Variants in ADAMTS3 observed in about 807,000 individuals in gnomAD.
ADAMTS3 encodes the protein ADAM metallopeptidase with thrombospondin type 1 motif 3, also known as A disintegrin and metalloproteinase with thrombospondin motifs 3.
In ADAMTS3, 73 loss-of-function variants were observed where a neutral mutation model predicts 129.0. The ratio of observed to expected loss-of-function variants is 0.57; its 90% CI spans 0.47 to 0.69. The LOEUF (loss-of-function observed/expected upper bound fraction) is 0.69, where lower values mean the gene tolerates loss of function less well. Among genes scored for constraint, ADAMTS3 ranks in the 30% least tolerant of loss-of-function variants. ADAMTS3 has a pLI of 0.00. For synonymous variants in ADAMTS3, 477 were observed against 510.8 expected (o/e 0.93, Z 0.89); for missense variants, 1,457 against 1,514.5 (o/e 0.96, Z 0.63).
At chr4:72,314,737 G>A (rs1019775539) in intron 11 of ADAMTS3, among the ~76,000 whole-genome samples, 1 of 152,082 alleles carries the variant, frequency 6.6e-6, no homozygotes, top group Non-Finnish European at 1.5e-5. Flanking sequence ...GCAAAACATT[G>A]TATACAAGGT....
intron 3 of ADAMTS3, among the ~76,000 whole-genome samples, chr4:72,485,685 A>C (rs773760458): frequency 2.0e-5 from 3 of 152,114 alleles, no homozygotes; most frequent in East Asian, 1.9e-4. Flanking sequence ...CCATACTTAC[A>C]TTGTTCAATG....
intron 3 of ADAMTS3, among the ~76,000 whole-genome samples, chr4:72,523,281 A>G (rs1214541483): frequency 6.6e-6 from 1 of 152,120 alleles, no homozygotes. Context: ...ACATACCCAG[A>G]GTAATATCTC....
intron 3 of ADAMTS3, among the ~76,000 whole-genome samples, chr4:72,510,819 C>CAAA (rs869030257): frequency 1.6e-5 from 1 of 63,644 alleles, no homozygotes; most frequent in Non-Finnish European, 2.9e-5. Flanking sequence ...ATCCTTAAGC[C>CAAA]AAAAAAAAAA....
chr4:72,297,340 G>A (rs1718836214), intron 18 of ADAMTS3, among the ~76,000 whole-genome samples: 1 of 152,066 alleles, frequency 6.6e-6, no homozygotes, highest in African/African-American at 2.4e-5. Context: ...AATTAAATAA[G>A]CATCTTGTAA....
rs80304736 is a variant in ADAMTS3, at chr4:72,356,613, C to T, written c.662-16920G>A. Among the ~76,000 whole-genome samples the T allele has an allele frequency of 2.3e-3, 345 of 151,762 alleles. 1 individual carries two copies. The highest frequency in any genetic ancestry group is 7.7e-3 in the African/African-American group (320 of 41,468). The stretch of plus-strand genomic sequence containing the variant: ...ATTTATAATGAAGAAATAAATGTTA[C>T]CATTTCCAGATAATTGTTTAGATAG... On this transcript the variant is annotated intron_variant, in intron 4 of 21. Coordinates refer to ENST00000286657, the MANE Select transcript of ADAMTS3 (RefSeq NM_014243.3).
intron 21 of ADAMTS3, among the ~76,000 whole-genome samples, chr4:72,285,430 G>T (rs539333523): frequency 6.6e-6 from 1 of 152,108 alleles, no homozygotes; most frequent in South Asian, 2.1e-4. Context: ...CTTTCTGTAT[G>T]TGTCAGGCTC....
intron 21 of ADAMTS3, among the ~76,000 whole-genome samples, chr4:72,288,160 C>T (rs369694297): frequency 6.6e-6 from 1 of 152,184 alleles, no homozygotes; most frequent in Admixed American, 6.5e-5. Context: ...GCCACCGCAC[C>T]TGGCCCCATT....
At chr4:72,520,557 C>T (rs955800939) in intron 3 of ADAMTS3, among the ~76,000 whole-genome samples, 6 of 152,220 alleles carry the variant, frequency 3.9e-5, no homozygotes, top group African/African-American at 1.4e-4. Context: ...GGGCGCCCCT[C>T]CCCCAGCCTC....
intron 15 of ADAMTS3, among the ~76,000 whole-genome samples, chr4:72,307,591 C>T (rs1385886606): frequency 1.3e-5 from 2 of 151,872 alleles, no homozygotes; most frequent in Non-Finnish European, 2.9e-5. Flanking sequence ...TTTTATTAGG[C>T]AAGTTATAAA....
chr4:72,410,335 C>T lies in ADAMTS3; in HGVS notation c.661+4480G>A, dbSNP rs368142971. On this transcript the variant is annotated intron_variant, in intron 4 of 21. Coordinates refer to ENST00000286657, the MANE Select transcript of ADAMTS3 (RefSeq NM_014243.3). ...ATGTTTCCCACCTGGGACAAAAACA[C>T]GCCTTCACAGCACCATGACAACCAC... Among the ~76,000 whole-genome samples the T allele has an allele frequency of 3.1e-4, 47 of 152,248 alleles. No homozygotes were observed. In the East Asian group the frequency reaches 4.6e-3, roughly 15 times the overall value.
At chr4:72,408,305 C>T (rs1162672917) in intron 4 of ADAMTS3, among the ~76,000 whole-genome samples, 1 of 151,842 alleles carries the variant, frequency 6.6e-6, no homozygotes, top group African/African-American at 2.4e-5. Context: ...TGAAAAAGAT[C>T]CTCTGAAGAC....
At chr4:72,437,605 G>T (rs1002128802) in intron 3 of ADAMTS3, among the ~76,000 whole-genome samples, 5 of 151,710 alleles carry the variant, frequency 3.3e-5, no homozygotes, top group Admixed American at 2.0e-4. Flanking sequence ...GGGTTGTGTT[G>T]TCAACAATTT....
chr4:72,552,491 C>T (rs1228621971), intron 2 of ADAMTS3, among the ~76,000 whole-genome samples: 3 of 152,152 alleles, frequency 2.0e-5, no homozygotes, highest in African/African-American at 7.2e-5. Context: ...CTTTTGTGGG[C>T]CGTAAGTTCC....
chr4:72,401,566 C>CAAAAAAAAAAAAAAAAAAAA (rs374322807), intron 4 of ADAMTS3, among the ~76,000 whole-genome samples: 17 of 37,026 alleles, frequency 4.6e-4, no homozygotes, highest in Middle Eastern at 0.031. Flanking sequence ...TACTCTGTCT[C>CAAAAAAAAAAAAAAAAAAAA]AAAAAAAAAA....
intron 4 of ADAMTS3, among the ~76,000 whole-genome samples, chr4:72,369,859 C>T (rs896661164): frequency 3.3e-5 from 5 of 151,464 alleles, no homozygotes; most frequent in African/African-American, 1.2e-4. Flanking sequence ...TTCTTAAAAG[C>T]AGGCTTTTTC....
intron 5 of ADAMTS3, among the ~76,000 whole-genome samples, chr4:72,327,117 A>G (rs944376182): frequency 4.6e-5 from 7 of 152,204 alleles, no homozygotes; most frequent in African/African-American, 1.2e-4. Flanking sequence ...AAATATTGAA[A>G]AAAATCATTA....
chr4:72,394,432 T>C (rs1721675114), intron 4 of ADAMTS3, among the ~76,000 whole-genome samples: 1 of 152,252 alleles, frequency 6.6e-6, no homozygotes, highest in African/African-American at 2.4e-5. Flanking sequence ...TGTCTTCCTT[T>C]CTACACCATG....
chr4:72,319,249 T>C, intron 9 of ADAMTS3, 83 bp downstream of exon 9: 3 of 1,503,592 alleles, frequency 2.0e-6, no homozygotes, highest in Non-Finnish European at 2.7e-6. Context: ...CTGGGAATTT[T>C]GCTATGATCA....
Position 72,332,530 on chromosome 4 carries a change from C to T in ADAMTS3, c.861+6964G>A, listed in dbSNP as rs763164000. Among the ~76,000 whole-genome samples the T allele has an allele frequency of 5.9e-5, 9 of 152,222 alleles. No homozygotes were observed. The East Asian group carries it at 7.7e-4, about 13-fold the overall frequency. ...AAGACTGTTTCTTTGTACTGGGAGG[C>T]ATTCTTTTAAATGAACTGCTTTCTT... On this transcript the variant is annotated intron_variant, in intron 5 of 21. Transcript: ENST00000286657.
Sources: allele counts gnomAD v4.1 joint callset (sites outside exome capture counted in the v4.1 genomes callset), GRCh38; gene constraint gnomAD v4.1.1; transcripts MANE v1.5; gene names NCBI Gene and HGNC (gene_info 2026-07-23, HGNC 2026-07-21).